ADGRB3: variants seen among roughly 807,000 people sequenced by gnomAD.
The protein encoded by ADGRB3 is brain-specific angiogenesis inhibitor 3.
In ADGRB3, 37 loss-of-function variants were observed where a neutral mutation model predicts 193.4. The ratio of observed to expected loss-of-function variants is 0.19; its 90% CI spans 0.15 to 0.25. ADGRB3 has a LOEUF of 0.25. ADGRB3 is among the 10% of genes least tolerant of loss of function. The pLI is 1.00. For missense variants in ADGRB3, 1,637 were observed against 1,852.9 expected (o/e 0.88, Z 2.14); for synonymous variants, 690 against 644.2 (o/e 1.07, Z -1.08).
chr6:68,903,451 A>AT (rs1332886525), intron 3 of ADGRB3, among the ~76,000 whole-genome samples: 1 of 152,192 alleles, frequency 6.6e-6, no homozygotes, highest in Non-Finnish European at 1.5e-5. Flanking sequence ...TTGTCTCAGG[A>AT]TATATTTAGT....
chr6:68,648,605 G>C (rs978355938), intron 3 of ADGRB3, among the ~76,000 whole-genome samples: 1 of 150,480 alleles, frequency 6.6e-6, no homozygotes, highest in African/African-American at 2.4e-5. Flanking sequence ...GAAAATTGTG[G>C]AGTCAACCAC....
rs1054895129 is a variant in ADGRB3 at position 69,339,082 on chromosome 6, T to C, written c.3287+68T>C. 2.6e-6 allele frequency: 4 copies of C among 1,537,912 alleles called. No individual in the cohort carries two copies. In the South Asian group the frequency reaches 4.6e-5, roughly 18 times the overall value. Reference sequence around the variant, plus strand: ...CAGTGCATGTGAGAAAATGCTATGATGAAAAAAAATTGTGTTTTCTAATAC... The same window carrying C: ...CAGTGCATGTGAGAAAATGCTATGACGAAAAAAAATTGTGTTTTCTAATAC... On this transcript the variant is annotated intron_variant, in intron 25 of 31. Coordinates refer to ENST00000370598, the MANE Select transcript of ADGRB3 (RefSeq NM_001704.3).
intron 3 of ADGRB3, among the ~76,000 whole-genome samples, chr6:68,800,590 C>T (rs1167331608): frequency 8.5e-5 from 13 of 152,208 alleles, no homozygotes; most frequent in Admixed American, 4.6e-4. Context: ...GGGGAATAAA[C>T]TGGAAGAGAT....
intron 26 of ADGRB3, among the ~76,000 whole-genome samples, chr6:69,350,913 A>G (rs576512072): frequency 1.3e-5 from 2 of 152,190 alleles, no homozygotes; most frequent in South Asian, 2.1e-4. Context: ...ACAAAATTCA[A>G]TTAATTATCC....
rs2127366498 is a variant in ADGRB3 at position 68,790,910 on chromosome 6, C to T, written c.758-139649C>T. ...CCTCCTCCAAAGGAACGCAGCTCCT[C>T]ACCATTTATGACTGATTTTTAAAAT... is the stretch of plus-strand genomic sequence containing the variant. On this transcript the variant is annotated intron_variant, in intron 3 of 31. Transcript: ENST00000370598. Among the ~76,000 whole-genome samples the T allele has an allele frequency of 1.3e-5, 2 of 152,254 alleles. 1 individual carries two copies. Among genetic ancestry groups the T allele is most frequent in the South Asian group, 4.1e-4 (2 of 4,824 alleles).
intron 20 of ADGRB3, among the ~76,000 whole-genome samples, chr6:69,284,469 T>C (rs10485252): frequency 0.36 from 55,168 of 151,762 alleles, 10,504 homozygotes; most frequent in Middle Eastern, 0.45. Flanking sequence ...TTTAAAAGCG[T>C]TGTAAACTGT....
rs1767468522 is a variant in ADGRB3 at position 69,283,035 on chromosome 6, T to C, written c.2815-41837T>C. Among the ~76,000 whole-genome samples the C allele has an allele frequency of 5.3e-5, 8 of 151,880 alleles. No individual in the cohort carries two copies. In the South Asian group the frequency reaches 1.7e-3, roughly 32 times the overall value. ...AAGTGAACTAATGAGAAGGCAAAGG[T>C]GCAAAGGAAAAAACCCAAAGAATTT... On this transcript the variant is annotated intron_variant, in intron 20 of 31. Transcript: ENST00000370598.
chr6:68,654,795 T>C (rs1768453199), intron 3 of ADGRB3, among the ~76,000 whole-genome samples: 1 of 151,834 alleles, frequency 6.6e-6, no homozygotes, highest in Admixed American at 6.6e-5. Flanking sequence ...AGAATAAAAA[T>C]ACCTTCTGCA....
chr6:68,749,410 G>A (rs200332534), intron 3 of ADGRB3, among the ~76,000 whole-genome samples: 576 of 35,986 alleles, frequency 0.016, 3 homozygotes, highest in East Asian at 0.09. Context: ...ATATATATAT[G>A]TGTGTGTGTG....
intron 17 of ADGRB3, among the ~76,000 whole-genome samples, chr6:69,120,929 C>CATG (rs1773661964): frequency 6.7e-6 from 1 of 150,182 alleles, no homozygotes; most frequent in Non-Finnish European, 1.5e-5. Context: ...AAAAGAGAAA[C>CATG]ATGTATTTTT....
At position 69,332,223 on chromosome 6, in the gene ADGRB3, G is replaced by A. The variant is rs548043625; in HGVS notation, c.3103-700G>A. ...GTTTTACTTGAAAAAGGAAAAATAT[G>A]TGTGATTTCATTTCATGTATCATGC... On this transcript the variant is annotated intron_variant, in intron 23 of 31. Transcript: ENST00000370598. 2.2e-5 allele frequency: 22 copies of A among 985,286 alleles called. No individual in the cohort carries two copies. The South Asian group carries it at 9.4e-4, about 42-fold the overall frequency. 61.0% of individuals were successfully genotyped at this position (985,286 alleles called of 1,614,324 possible).
intron 4 of ADGRB3, among the ~76,000 whole-genome samples, chr6:68,931,627 A>G (rs974277743): frequency 3.3e-5 from 5 of 152,140 alleles, no homozygotes; most frequent in African/African-American, 1.2e-4. Context: ...ATTTAGACTG[A>G]TAGTGATGAA....
chr6:69,079,320 C>T (rs970207141), intron 17 of ADGRB3, among the ~76,000 whole-genome samples: 2 of 151,796 alleles, frequency 1.3e-5, no homozygotes, highest in Admixed American at 1.3e-4. Context: ...TATTGTAAAT[C>T]GGAGAATATT....
chr6:68,810,503 G>C (rs1767490387), intron 3 of ADGRB3, among the ~76,000 whole-genome samples: 1 of 152,204 alleles, frequency 6.6e-6, no homozygotes. Flanking sequence ...GTGAAACTTA[G>C]GAGGCTGGCT....
intron 17 of ADGRB3, among the ~76,000 whole-genome samples, chr6:69,184,132 A>G (rs1765015378): frequency 6.6e-6 from 1 of 152,186 alleles, no homozygotes. Context: ...AAATGGATAC[A>G]TCAATTTTAT....
rs149287299 is a variant in ADGRB3, at chr6:69,341,355, T to C, written c.3459+1851T>C. Among the ~76,000 whole-genome samples the C allele has an allele frequency of 3.6e-3, 542 of 152,352 alleles. 3 individuals are homozygous for C. The highest frequency in any genetic ancestry group is 0.012 in the African/African-American group (482 of 41,584). On this transcript the variant is annotated intron_variant, in intron 26 of 31. Transcript: ENST00000370598. Reference sequence around the variant, plus strand: ...TCATTGTGGTTTTGATTTGCATTTCTCTAATGACCAGTGATGATGATCTAT... The same window carrying C: ...TCATTGTGGTTTTGATTTGCATTTCCCTAATGACCAGTGATGATGATCTAT...
At chr6:69,219,461 G>GTGTATATATATATATA (rs1491200940) in intron 17 of ADGRB3, among the ~76,000 whole-genome samples, 18 of 98,964 alleles carry the variant, frequency 1.8e-4, no homozygotes, top group African/African-American at 2.6e-4. Flanking sequence ...ACACACACAC[G>GTGTATATATATATATA]TATATATATA....
intron 3 of ADGRB3, among the ~76,000 whole-genome samples, chr6:68,709,953 T>C (rs1195019007): frequency 6.6e-6 from 1 of 152,186 alleles, no homozygotes; most frequent in African/African-American, 2.4e-5. Context: ...CTTACTGCTC[T>C]TCTCTCCCCT....
chr6:69,151,998 A>C (rs922295174), intron 17 of ADGRB3, among the ~76,000 whole-genome samples: 2 of 152,156 alleles, frequency 1.3e-5, no homozygotes, highest in Non-Finnish European at 2.9e-5. Flanking sequence ...CATGTGAAGA[A>C]GGCCATATTT....
Sources: allele counts gnomAD v4.1 joint callset (sites outside exome capture counted in the v4.1 genomes callset), GRCh38; gene constraint gnomAD v4.1.1; transcripts MANE v1.5; gene names NCBI Gene and HGNC (gene_info 2026-07-23, HGNC 2026-07-21).